Variants in RAB27B observed in about 807,000 individuals in gnomAD.
The protein encoded by RAB27B is ras-related protein Rab-27B.
In RAB27B, 15 loss-of-function variants were observed where a neutral mutation model predicts 24.6. The ratio of observed to expected loss-of-function variants is 0.61; its 90% CI spans 0.41 to 0.94. RAB27B has a LOEUF of 0.94. RAB27B is among the 40% of genes least tolerant of loss of function. RAB27B has a pLI of 0.00. For synonymous variants in RAB27B, 105 were observed against 92.5 expected, an observed-to-expected ratio of 1.14 and a Z score of -0.78; for missense variants, 261 against 266.8, an observed-to-expected ratio of 0.98 and a Z score of 0.15.
At chr18:54,844,056 T>G (rs1911221921) in intron 1 of RAB27B, among the ~76,000 whole-genome samples, 1 of 152,176 alleles carries the variant, frequency 6.6e-6, no homozygotes, top group Non-Finnish European at 1.5e-5. Context: ...GGGTGGGGTC[T>G]GAGATAATAA....
At chr18:54,814,300 C>A (rs763357752) in intron 2 of RAB27B, among the ~76,000 whole-genome samples, 5 of 152,132 alleles carry the variant, frequency 3.3e-5, no homozygotes, top group Admixed American at 6.5e-5. Flanking sequence ...GATTTACAAT[C>A]CAGATTTATT....
chr18:54,800,656 C>T (rs1909572347), intron 2 of RAB27B, among the ~76,000 whole-genome samples: 2 of 152,108 alleles, frequency 1.3e-5, no homozygotes, highest in Non-Finnish European at 1.5e-5. Flanking sequence ...ATTTGAAATA[C>T]TGCTATAGAT....
chr18:54,729,367 A>T (rs571428104), intron 2 of RAB27B, among the ~76,000 whole-genome samples: 2 of 152,294 alleles, frequency 1.3e-5, no homozygotes, highest in South Asian at 4.1e-4. Flanking sequence ...TTCCTGAAAA[A>T]GGCCGGAAGG....
chr18:54,722,001 C>T (rs987884390), intron 2 of RAB27B, among the ~76,000 whole-genome samples: 1 of 152,064 alleles, frequency 6.6e-6, no homozygotes, highest in Non-Finnish European at 1.5e-5. Context: ...AGAAATTTAC[C>T]CTTGGAGCCC....
intron 2 of RAB27B, among the ~76,000 whole-genome samples, chr18:54,719,858 TATA>T (rs1467978710): frequency 6.6e-6 from 1 of 152,150 alleles, no homozygotes; most frequent in Admixed American, 6.5e-5. Flanking sequence ...CTACCCATCA[TATA>T]ATGATTTGCA....
At chr18:54,757,163 CAAGCAT>C (rs1463896428) in intron 2 of RAB27B, among the ~76,000 whole-genome samples, 1 of 152,034 alleles carries the variant, frequency 6.6e-6, no homozygotes, top group African/African-American at 2.4e-5. Flanking sequence ...ATTAGCATGC[CAAGCAT>C]AAGCAGAAAA....
chr18:54,877,511 AAG>A (rs1173084830), intron 1 of RAB27B, 54 bp from the exon 2 acceptor site: 8 of 1,270,342 alleles, frequency 6.3e-6, no homozygotes, highest in Non-Finnish European at 5.2e-6. Flanking sequence ...TTTTGATATA[AAG>A]CAAAGGAAAA....
intron 2 of RAB27B, among the ~76,000 whole-genome samples, chr18:54,750,116 G>C (rs9948291): frequency 0.065 from 9,872 of 152,156 alleles, 412 homozygotes; most frequent in African/African-American, 0.095. Flanking sequence ...GTTTTCCTCA[G>C]TAGTCACTCT....
At position 54,819,981 on chromosome 18, in the gene RAB27B, G is replaced by A. The variant is rs186496785; in HGVS notation, c.-19-57586G>A. Among the ~76,000 whole-genome samples, 667 of 152,140 alleles carry A rather than the reference G, an allele frequency of 4.4e-3. 2 individuals are homozygous for A. Among genetic ancestry groups the A allele is most frequent in the Non-Finnish European group, 7.4e-3 (500 of 67,990 alleles). ...TTTTTTTGGCTGCATAGTATTCCAC[G>A]GTGTATATGTGCCACATTTTCTTAA... On this transcript the variant is annotated intron_variant, in intron 2 of 4. Coordinates refer to the RAB27B transcript ENST00000586570.
At chr18:54,755,405 T>C (rs560428248) in intron 2 of RAB27B, among the ~76,000 whole-genome samples, 39 of 152,124 alleles carry the variant, frequency 2.6e-4, no homozygotes, top group Non-Finnish European at 4.9e-4. Flanking sequence ...ATTAAATAAA[T>C]AAATAAATAA....
upstream of RAB27B, among the ~76,000 whole-genome samples, chr18:54,827,576 G>C (rs1302058952): frequency 6.6e-6 from 1 of 152,160 alleles, no homozygotes; most frequent in East Asian, 1.9e-4. Context: ...GCTGATAACA[G>C]CAGTGCCTCC....
In RAB27B at chr18:54,866,149, G is replaced by A. The variant is rs115583777; in HGVS notation, c.-19-11418G>A. Among the ~76,000 whole-genome samples, 479 of 152,178 alleles carry A rather than the reference G, an allele frequency of 3.1e-3. 4 individuals are homozygous for A. The highest frequency in any genetic ancestry group is 0.011 in the African/African-American group (461 of 41,516). ...GTTTTGAGAGCCCCCAGCTAAATTA[G>A]GGTTCCAATCCCAGACCTGCTAGCA... On this transcript the variant is annotated intron_variant, in intron 1 of 5. Transcript: ENST00000262094.
At chr18:54,752,757 G>C (rs1000859485) in intron 2 of RAB27B, among the ~76,000 whole-genome samples, 1 of 152,172 alleles carries the variant, frequency 6.6e-6, no homozygotes, top group Non-Finnish European at 1.5e-5. Flanking sequence ...GATGCGTGCT[G>C]TTGTGGCCAT....
At chr18:54,834,069 C>G (rs983392929) in intron 1 of RAB27B, among the ~76,000 whole-genome samples, 58 of 152,186 alleles carry the variant, frequency 3.8e-4, no homozygotes, top group Non-Finnish European at 7.2e-4. Flanking sequence ...AATACAAGAA[C>G]ACAATTTGTT....
chr18:54,780,699 T>C (rs1423541039), intron 2 of RAB27B, among the ~76,000 whole-genome samples: 3 of 152,194 alleles, frequency 2.0e-5, no homozygotes, highest in African/African-American at 7.2e-5. Context: ...TTCTGAGATA[T>C]TGGCAGTTAG....
At chr18:54,884,003 T>C (rs1913029610) in intron 3 of RAB27B, among the ~76,000 whole-genome samples, 2 of 152,154 alleles carry the variant, frequency 1.3e-5, no homozygotes, top group African/African-American at 4.8e-5. Flanking sequence ...TCTAAAGTGC[T>C]TTACATTTTA....
intron 2 of RAB27B, among the ~76,000 whole-genome samples, chr18:54,773,495 A>G (rs564288381): frequency 4.6e-4 from 70 of 152,256 alleles, no homozygotes; most frequent in African/African-American, 1.5e-3. Flanking sequence ...ATGCAGTATG[A>G]TAGTCTTTAC....
intron 3 of RAB27B, among the ~76,000 whole-genome samples, chr18:54,881,732 G>A (rs1231980874): frequency 6.6e-6 from 1 of 152,160 alleles, no homozygotes; most frequent in Non-Finnish European, 1.5e-5. Flanking sequence ...GGGGGAAATG[G>A]GGGATATCAA....
intron 2 of RAB27B, among the ~76,000 whole-genome samples, chr18:54,755,227 TA>T (rs1907964553): frequency 6.6e-6 from 1 of 151,944 alleles, no homozygotes; most frequent in Non-Finnish European, 1.5e-5. Flanking sequence ...CCGTCTCTAC[TA>T]AAAATACAAA....
Sources: gnomAD v4.1 joint callset for allele counts (sites outside exome capture counted in the v4.1 genomes callset) on GRCh38, gnomAD v4.1.1 for gene constraint, MANE v1.5 for transcripts, NCBI Gene and HGNC (gene_info 2026-07-23, HGNC 2026-07-21) for gene names.